NEDD4: variants seen among roughly 807,000 people sequenced by gnomAD.
The protein encoded by NEDD4 is E3 ubiquitin-protein ligase NEDD4.
In NEDD4, 99 loss-of-function variants were observed where a neutral mutation model predicts 144.9. The observed-to-expected ratio is 0.68, with a 90% CI of 0.58 to 0.81. The LOEUF is 0.81. NEDD4 is among the 30% of genes least tolerant of loss of function. The pLI, the probability that NEDD4 is intolerant of heterozygous loss-of-function variation, is 0.00. For missense variants in NEDD4, 985 were observed against 1,065.9 expected (o/e 0.92, Z 1.06); for synonymous variants, 318 against 350.6 (o/e 0.91, Z 1.04).
chr15:55,929,286 T>C (rs1357884358), intron 4 of NEDD4, among the ~76,000 whole-genome samples: 1 of 152,224 alleles, frequency 6.6e-6, no homozygotes, highest in Non-Finnish European at 1.5e-5. Flanking sequence ...TTATGTCTGA[T>C]TTCAGGAGGA....
intron 2 of NEDD4, among the ~76,000 whole-genome samples, chr15:55,955,833 TG>T (rs199993115): frequency 6.2e-4 from 92 of 148,840 alleles, no homozygotes; most frequent in African/African-American, 2.1e-3. Flanking sequence ...TTTTTTTTTT[TG>T]AGGCAGGGTC....
chr15:55,888,165 C>A (rs1342409225), intron 5 of NEDD4, among the ~76,000 whole-genome samples: 1 of 152,042 alleles, frequency 6.6e-6, no homozygotes. Context: ...AAATAAGGGG[C>A]ATCCAAATTG....
intron 4 of NEDD4, among the ~76,000 whole-genome samples, chr15:55,950,197 C>T (rs1328994806): frequency 6.6e-6 from 1 of 152,016 alleles, no homozygotes; most frequent in East Asian, 1.9e-4. Context: ...TGATTCAATA[C>T]CATTTCCTCA....
intron 5 of NEDD4, among the ~76,000 whole-genome samples, chr15:55,908,858 A>G (rs1334231947): frequency 5.9e-5 from 9 of 152,180 alleles, no homozygotes; most frequent in Admixed American, 2.0e-4. Context: ...TGTGTAACAT[A>G]ATGAGACCTC....
rs80222656 is a variant in NEDD4 at position 55,880,695 on chromosome 15, A to T, written c.292-6687T>A. 5.1e-3 allele frequency among the ~76,000 whole-genome samples: 770 copies of T among 152,258 alleles called. 18 individuals carry two copies. The highest frequency in any genetic ancestry group is 0.045 in the East Asian group (235 of 5,166). On this transcript the variant is annotated intron_variant, in intron 5 of 28. Transcript: ENST00000435532. The stretch of plus-strand genomic sequence containing the variant: ...GGAATCTCAGAAAGACAGGGAAAGG[A>T]AGTCTCAGAGTAACAGTTATGTAAC...
chr15:55,868,033 G>T (rs1229330674), intron 8 of NEDD4, among the ~76,000 whole-genome samples: 1 of 147,032 alleles, frequency 6.8e-6, no homozygotes, highest in African/African-American at 2.6e-5. Context: ...TCCAGCATGG[G>T]CCACAGAGCA....
Position 55,860,425 on chromosome 15 carries a change from G to A in NEDD4, c.942C>T (p.Ser314=), listed in dbSNP as rs780863285. The A allele has an allele frequency of 9.3e-6, 15 of 1,613,944 alleles. No individual in the cohort carries two copies. The East Asian group carries it at 1.8e-4, about 19-fold the overall frequency. The change falls in exon 11 of 29, where the codon AGC becomes AGT. Residue 314 remains serine (S), a synonymous_variant. Coordinates refer to ENST00000435532, the MANE Select transcript of NEDD4 (RefSeq NM_006154.4). ...RLTIFGNSAV[S]QPASSSNHSS... is the part of the protein sequence containing the mutation. ...ATCTTACTGAGCTCGATGCTGGCTGGCTCACGGCTGAATTTCCAAAAATGG... is the reference window on the plus strand; with the variant it reads ...ATCTTACTGAGCTCGATGCTGGCTGACTCACGGCTGAATTTCCAAAAATGG...
chr15:55,980,673 G>A (rs1251691923), intron 1 of NEDD4, among the ~76,000 whole-genome samples: 5 of 152,210 alleles, frequency 3.3e-5, no homozygotes, highest in African/African-American at 9.7e-5. Flanking sequence ...CACAGATGAT[G>A]GCTACACAAC....
intron 2 of NEDD4, chr15:55,952,678 C>T (rs2037263893): frequency 6.6e-6 from 1 of 152,226 alleles, no homozygotes; most frequent in African/African-American, 2.4e-5. Flanking sequence ...GTCAGGAGTC[C>T]TCTTGTTTTG....
At chr15:55,879,636 A>G (rs1224786585) in intron 5 of NEDD4, among the ~76,000 whole-genome samples, 4 of 152,218 alleles carry the variant, frequency 2.6e-5, no homozygotes, top group Non-Finnish European at 5.9e-5. Flanking sequence ...TCAAATTGCA[A>G]GAAAAATACC....
intron 11 of NEDD4, among the ~76,000 whole-genome samples, chr15:55,856,614 G>A (rs1345973827): frequency 6.6e-6 from 1 of 152,142 alleles, no homozygotes; most frequent in African/African-American, 2.4e-5. Context: ...GCACGCTGCA[G>A]GCTCAGAGCA....
intron 5 of NEDD4, among the ~76,000 whole-genome samples, chr15:55,894,680 C>CT (rs2035683767): frequency 6.6e-6 from 1 of 152,126 alleles, no homozygotes; most frequent in Non-Finnish European, 1.5e-5. Flanking sequence ...TTATCACAGA[C>CT]TTGTGAAAAC....
chr15:55,863,445 CA>C (rs1221192022), intron 8 of NEDD4, among the ~76,000 whole-genome samples: 3 of 151,878 alleles, frequency 2.0e-5, no homozygotes, highest in Admixed American at 2.0e-4. Flanking sequence ...ATTTTCATAA[CA>C]AAAAAGTAAT....
intron 18 of NEDD4, among the ~76,000 whole-genome samples, chr15:55,845,156 G>C (rs1460952365): frequency 6.6e-6 from 1 of 151,886 alleles, no homozygotes; most frequent in Non-Finnish European, 1.5e-5. Flanking sequence ...CCTCCTTCTG[G>C]GGTGACTTCA....
chr15:55,990,459 G>T (rs780962091), intron 1 of NEDD4, among the ~76,000 whole-genome samples: 5 of 152,116 alleles, frequency 3.3e-5, no homozygotes, highest in Admixed American at 6.6e-5. Context: ...ACGTCTGGAA[G>T]CCACTACCAC....
intron 5 of NEDD4, among the ~76,000 whole-genome samples, chr15:55,879,766 T>C (rs755176207): frequency 4.6e-5 from 7 of 152,132 alleles, no homozygotes; most frequent in Non-Finnish European, 8.8e-5. Flanking sequence ...ATAAAAAATA[T>C]AACTCAAAAA....
At chr15:55,874,868 G>T (rs1213435846) in intron 5 of NEDD4, among the ~76,000 whole-genome samples, 1 of 152,138 alleles carries the variant, frequency 6.6e-6, no homozygotes, top group Non-Finnish European at 1.5e-5. Flanking sequence ...CAGCTACTTG[G>T]GAGGCTGAGG....
At chr15:55,879,598 G>A (rs1234625527) in intron 5 of NEDD4, among the ~76,000 whole-genome samples, 1 of 152,096 alleles carries the variant, frequency 6.6e-6, no homozygotes, top group African/African-American at 2.4e-5. Flanking sequence ...CTAAATGAAA[G>A]ACGGGAGTCT....
chr15:55,891,336 C>T (rs977286322), intron 5 of NEDD4, among the ~76,000 whole-genome samples: 1 of 152,090 alleles, frequency 6.6e-6, no homozygotes, highest in Non-Finnish European at 1.5e-5. Context: ...GGGAACTATC[C>T]TGGAAAGTCT....
Sources: allele counts gnomAD v4.1 joint callset (sites outside exome capture counted in the v4.1 genomes callset), GRCh38; gene constraint gnomAD v4.1.1; transcripts MANE v1.5; gene names NCBI Gene and HGNC (gene_info 2026-07-23, HGNC 2026-07-21).